Variants in LRMDA observed in about 807,000 individuals in gnomAD.
The protein encoded by LRMDA is leucine rich melanocyte differentiation associated.
In LRMDA, 18 loss-of-function variants were observed where a neutral mutation model predicts 29.8. The observed-to-expected ratio is 0.60, with a 90% CI of 0.42 to 0.90. The LOEUF is 0.90. Ranked by LOEUF, LRMDA falls within the 40% of genes least tolerant of loss-of-function variation. The pLI is 0.00. For synonymous variants in LRMDA, 125 were observed against 109.4 expected (o/e 1.14, Z -0.89); for missense variants, 273 against 273.9 (o/e 1.00, Z 0.02).
chr10:75,544,045 C>CA (rs1840049518), intron 2 of LRMDA, among the ~76,000 whole-genome samples: 1 of 152,154 alleles, frequency 6.6e-6, no homozygotes, highest in Non-Finnish European at 1.5e-5. Context: ...AAAGGAGTGC[C>CA]AGGGACATCC....
intron 6 of LRMDA, among the ~76,000 whole-genome samples, chr10:76,366,137 A>G (rs1191574244): frequency 6.6e-6 from 1 of 152,176 alleles, no homozygotes; most frequent in Admixed American, 6.5e-5. Context: ...TGTTTTGATG[A>G]CTATGGCCTT....
chr10:75,810,091 C>T (rs1436589895), intron 2 of LRMDA, among the ~76,000 whole-genome samples: 1 of 152,072 alleles, frequency 6.6e-6, no homozygotes, highest in Admixed American at 6.6e-5. Context: ...GTGGACGAAA[C>T]AGCATGAGCA....
intron 5 of LRMDA, among the ~76,000 whole-genome samples, chr10:76,086,759 C>T (rs1467581821): frequency 6.6e-6 from 1 of 152,172 alleles, no homozygotes; most frequent in Admixed American, 6.5e-5. Flanking sequence ...TGGATGGCAG[C>T]TGCTAGCACA....
At chr10:76,259,313 T>G (rs1175689826) in intron 5 of LRMDA, among the ~76,000 whole-genome samples, 1 of 152,128 alleles carries the variant, frequency 6.6e-6, no homozygotes, top group South Asian at 2.1e-4. Flanking sequence ...TTCTTAATTT[T>G]TTCCTTCACT....
chr10:76,258,244 A>G (rs1839892043), intron 5 of LRMDA, among the ~76,000 whole-genome samples: 1 of 152,246 alleles, frequency 6.6e-6, no homozygotes, highest in Non-Finnish European at 1.5e-5. Context: ...TAACATTGGC[A>G]GTAATTTCCA....
chr10:75,642,811 T>C (rs1841471382), intron 2 of LRMDA: 1 of 152,218 alleles, frequency 6.6e-6, no homozygotes, highest in African/African-American at 2.4e-5. Flanking sequence ...GGTTCTCACA[T>C]GGCCTTTGCT....
intron 2 of LRMDA, among the ~76,000 whole-genome samples, chr10:75,470,906 T>G (rs1005654560): frequency 3.9e-5 from 6 of 152,230 alleles, no homozygotes; most frequent in African/African-American, 1.4e-4. Flanking sequence ...TCATTCCAGA[T>G]TGGGAAGTCT....
intron 2 of LRMDA, among the ~76,000 whole-genome samples, chr10:75,868,235 T>G (rs1351723202): frequency 1.3e-5 from 2 of 152,122 alleles, no homozygotes; most frequent in African/African-American, 4.8e-5. Context: ...ACAGAGTGGA[T>G]GGGAATGAAG....
At chr10:76,061,218 G>GT (rs1848696930) in intron 5 of LRMDA, among the ~76,000 whole-genome samples, 1 of 152,296 alleles carries the variant, frequency 6.6e-6, no homozygotes, top group African/African-American at 2.4e-5. Context: ...CATATCTTTT[G>GT]TGGGAACATG....
chr10:76,099,502 T>G (rs1279117616), intron 5 of LRMDA, among the ~76,000 whole-genome samples: 1 of 152,208 alleles, frequency 6.6e-6, no homozygotes, highest in African/African-American at 2.4e-5. Context: ...GGTAGAAACC[T>G]AGATTCTTGA....
chr10:75,934,674 G>A (rs1288476540), intron 2 of LRMDA, among the ~76,000 whole-genome samples: 1 of 152,130 alleles, frequency 6.6e-6, no homozygotes, highest in African/African-American at 2.4e-5. Flanking sequence ...CACTCGGCCA[G>A]CAGGATGGGC....
chr10:76,463,000 A>G (rs1156513329), intron 6 of LRMDA, among the ~76,000 whole-genome samples: 1 of 152,198 alleles, frequency 6.6e-6, no homozygotes, highest in African/African-American at 2.4e-5. Context: ...TTATTAGTTC[A>G]GGGCCCCTTA....
intron 5 of LRMDA, among the ~76,000 whole-genome samples, chr10:76,185,840 T>C (rs550710502): frequency 9.2e-5 from 14 of 152,356 alleles, no homozygotes; most frequent in African/African-American, 3.4e-4. Flanking sequence ...GGCTTGTTGC[T>C]GTTCGACTGC....
At chr10:76,065,741 C>A (rs1326995130) in intron 5 of LRMDA, among the ~76,000 whole-genome samples, 1 of 152,246 alleles carries the variant, frequency 6.6e-6, no homozygotes, top group East Asian at 1.9e-4. Flanking sequence ...TTTCTCTCTG[C>A]CCTTGCTGTG....
At chr10:75,567,572 C>T (rs1482376663) in intron 2 of LRMDA, among the ~76,000 whole-genome samples, 1 of 152,264 alleles carries the variant, frequency 6.6e-6, no homozygotes, top group East Asian at 1.9e-4. Flanking sequence ...TTCAGGAAGA[C>T]ATTCAAAACG....
chr10:75,806,571 A>G (rs1325138683), intron 2 of LRMDA, among the ~76,000 whole-genome samples: 1 of 151,994 alleles, frequency 6.6e-6, no homozygotes, highest in Non-Finnish European at 1.5e-5. Flanking sequence ...TTGTTAATGC[A>G]ACAGTACCAC....
intron 2 of LRMDA, among the ~76,000 whole-genome samples, chr10:75,536,272 T>C (rs11001413): frequency 0.5 from 75,183 of 151,860 alleles, 20,923 homozygotes; most frequent in Non-Finnish European, 0.61. Flanking sequence ...CGGGGTCCAT[T>C]CCATACTGCT....
chr10:75,975,422 T>C (rs973915154), intron 2 of LRMDA, among the ~76,000 whole-genome samples: 1 of 152,184 alleles, frequency 6.6e-6, no homozygotes, highest in East Asian at 1.9e-4. Context: ...AAAACAGCAG[T>C]GAATTGGATA....
intron 2 of LRMDA, among the ~76,000 whole-genome samples, chr10:75,560,020 T>C (rs1393951843): frequency 6.6e-6 from 1 of 151,250 alleles, no homozygotes; most frequent in East Asian, 1.9e-4. Flanking sequence ...ATGTGGGCTC[T>C]TTTTTGGTTC....
Sources: allele counts gnomAD v4.1 joint callset (sites outside exome capture counted in the v4.1 genomes callset), GRCh38; gene constraint gnomAD v4.1.1; transcripts MANE v1.5; gene names NCBI Gene and HGNC (gene_info 2026-07-23, HGNC 2026-07-21).